The following LCT variants were observed in gnomAD, a reference collection of about 807,000 sequenced individuals.
LCT encodes the protein lactase/phlorizin hydrolase.
A neutral mutation model predicts 173.0 loss-of-function variants in LCT; 90 were observed. The ratio of observed to expected loss-of-function variants is 0.52; its 90% CI spans 0.44 to 0.62. LCT has a LOEUF of 0.62. Among genes scored for constraint, LCT ranks in the 20% least tolerant of loss-of-function variants. The pLI, the probability that LCT is intolerant of heterozygous loss-of-function variation, is 0.00. For missense variants in LCT, 1,864 were observed against 2,431.4 expected, an observed-to-expected ratio of 0.77 and a Z score of 4.91; for synonymous variants, 853 against 957.6, an observed-to-expected ratio of 0.89 and a Z score of 2.02.
chr2:135,825,630 G>A (rs1260789088), intron 3 of LCT, among the ~76,000 whole-genome samples: 1 of 152,182 alleles, frequency 6.6e-6, no homozygotes, highest in East Asian at 1.9e-4. Context: ...CTGCAGAACC[G>A]AGAACCCTGG....
rs2077658361 is a variant in LCT at position 135,805,006 on chromosome 2, A to G, written c.4225T>C (p.Phe1409Leu). 6.2e-7 allele frequency: 1 copy of G among 1,614,150 alleles called. No homozygotes were observed. The highest frequency in any genetic ancestry group is 1.3e-5 in the African/African-American group (1 of 75,040). The change falls in exon 10 of 17, where the codon TTT (phenylalanine) becomes CTT (leucine). Residue 1409 changes from phenylalanine to leucine, a missense_variant. Physicochemically the swap from Phe to Leu is conservative, Grantham distance 22 (BLOSUM62 0). Coordinates refer to ENST00000264162, the MANE Select transcript of LCT (RefSeq NM_002299.4). Reference sequence around the variant, plus strand: ...TCAACCCTCAGTGGTGTGTGAGAAAACGTGTCCCAAATGCTGAGTCCTTTG... The same window carrying G: ...TCAACCCTCAGTGGTGTGTGAGAAAGCGTGTCCCAAATGCTGAGTCCTTTG... The part of the protein sequence containing the change: ...DGKGLSIWDT[F>L]SHTPLRVEND...
intron 4 of LCT, chr2:135,822,386 C>T (rs934478941): frequency 4.8e-6 from 2 of 412,482 alleles, no homozygotes; most frequent in Non-Finnish European, 9.0e-6. Context: ...TGCAGTAGGT[C>T]TCAAGTAGGG....
Position 135,809,797 on chromosome 2 carries a change from C to CT in LCT, c.2549dup (p.Ala852GlyfsTer8). 1 of 1,614,124 alleles carries CT rather than the reference C, an allele frequency of 6.2e-7. No homozygotes were observed. Among genetic ancestry groups the CT allele is most frequent in the Non-Finnish European group, 8.5e-7 (1 of 1,180,012 alleles). ...TAGGTGGTAGCAGTCTTTTTGCCCC[C>CT]TTGGTGAGGAAACCGTTCTTTTCTA... On this transcript the variant is annotated frameshift_variant, in exon 8 of 17. Coordinates refer to ENST00000264162, the MANE Select transcript of LCT (RefSeq NM_002299.4). LOFTEE classifies it high-confidence loss of function. This position sits in a 1 kb window ranked among gnomAD's most constrained non-coding sequence, Gnocchi z 5.5.
chr2:135,835,119 C>T (rs950205726), intron 1 of LCT, among the ~76,000 whole-genome samples: 1 of 151,536 alleles, frequency 6.6e-6, no homozygotes. Context: ...AATGTCATTG[C>T]AACATAACTT....
intron 13 of LCT, among the ~76,000 whole-genome samples, chr2:135,797,570 A>G (rs2077592552): frequency 6.6e-6 from 1 of 152,224 alleles, no homozygotes; most frequent in Admixed American, 6.5e-5. Flanking sequence ...AGATACCAAC[A>G]GAAGATGGGT....
intron 2 of LCT, among the ~76,000 whole-genome samples, chr2:135,829,946 G>A (rs1231234802): frequency 6.6e-6 from 1 of 152,168 alleles, no homozygotes; most frequent in African/African-American, 2.4e-5. Context: ...CACACAGAAA[G>A]CACGCAGTGT....
Position 135,789,741 on chromosome 2 carries a change from A to G in LCT, c.5393T>C (p.Phe1798Ser), listed in dbSNP as rs201143582. The G allele has an allele frequency of 6.2e-6, 10 of 1,614,128 alleles. No individual in the cohort carries two copies. Among genetic ancestry groups the G allele is most frequent in the African/African-American group, 2.7e-5 (2 of 74,938 alleles). ...CTCTGAAAAGCCTGTGGCCCACTCA[A>G]AATTGTCCATCGCACTCCAAACTGT... is the stretch of plus-strand genomic sequence containing the variant. ...GYTVWSAMDN[F>S]EWATGFSERF... Residue 1798 changes from phenylalanine (F) to serine (S), a missense_variant, in exon 16 of 17, where the codon TTT (phenylalanine) becomes TCT (serine). Physicochemically the swap from Phe to Ser is radical, Grantham distance 155. Around this residue, in one of 4 missense-constraint regions of LCT, gnomAD observed 514 missense variants for 750.1 expected, o/e 0.69. Transcript: ENST00000264162.
At chr2:135,825,492 G>A (rs1002416394) in intron 3 of LCT, among the ~76,000 whole-genome samples, 1 of 152,216 alleles carries the variant, frequency 6.6e-6, no homozygotes, top group Non-Finnish European at 1.5e-5. Context: ...TGAGGCAGCC[G>A]GTGATGTCCC....
chr2:135,814,549 G>A (rs189792549), intron 6 of LCT, among the ~76,000 whole-genome samples: 7 of 149,070 alleles, frequency 4.7e-5, no homozygotes, highest in African/African-American at 7.4e-5. Flanking sequence ...ATGGAGTCTC[G>A]CTCTGTCACC....
chr2:135,807,353 C>A lies in LCT; in HGVS notation c.3948G>T (p.Trp1316Cys). The stretch of plus-strand genomic sequence containing the variant: ...GCCACTCAAAGTTGTCCATCAGAGA[C>A]CAGGCGACATACCCTCGAAGGTCTA... ...DGIDLRGYVA[W>C]SLMDNFEWLN... Residue 1316 changes from tryptophan to cysteine, a missense_variant, in exon 9 of 17, where the codon TGG (tryptophan) becomes TGT (cysteine). Transcript: ENST00000264162. The A allele has an allele frequency of 6.2e-7, 1 of 1,614,116 alleles. No homozygotes were observed. The highest frequency in any genetic ancestry group is 2.2e-5 in the East Asian group (1 of 44,876).
Position 135,828,427 on chromosome 2 carries a change from C to T in LCT, c.804+1166G>A, listed in dbSNP as rs551354606. On this transcript the variant is annotated intron_variant, in intron 3 of 16. Coordinates refer to ENST00000264162, the MANE Select transcript of LCT (RefSeq NM_002299.4). ...GTGAGTGTAGGGGGCTGCTCTGCCT[C>T]CCTCATGGGAGGCACAGGCTGAAAG... Among the ~76,000 whole-genome samples the T allele has an allele frequency of 6.6e-5, 10 of 152,216 alleles. No individual in the cohort carries two copies. In the East Asian group the frequency reaches 1.9e-3, roughly 29 times the overall value.
chr2:135,804,206 C>T (rs1020260796), intron 10 of LCT, 78 bp from the exon 11 acceptor site: 30 of 1,110,814 alleles, frequency 2.7e-5, no homozygotes, highest in South Asian at 5.0e-5. Flanking sequence ...CCAGCATCAA[C>T]GTCTGCTGCA....
chr2:135,833,735 C>T (rs75298652), intron 1 of LCT, among the ~76,000 whole-genome samples: 3 of 151,842 alleles, frequency 2.0e-5, no homozygotes, highest in East Asian at 2.0e-4. Context: ...CGTGAGCCAC[C>T]GCGCCCGGCC....
intron 13 of LCT, among the ~76,000 whole-genome samples, chr2:135,795,031 C>CTA (rs2077570433): frequency 1.3e-5 from 1 of 79,248 alleles, no homozygotes; most frequent in African/African-American, 5.0e-5. Context: ...ACACACGCAC[C>CTA]CACGCGCGCG....
intron 8 of LCT, 51 bp downstream of exon 8, chr2:135,808,392 A>G: frequency 7.1e-7 from 1 of 1,408,530 alleles, no homozygotes; most frequent in Non-Finnish European, 1.0e-6. Context: ...CAGGCATATG[A>G]CCCAGGGAAT....
chr2:135,820,941 C>A (rs954394268), intron 5 of LCT, among the ~76,000 whole-genome samples: 1 of 151,376 alleles, frequency 6.6e-6, no homozygotes, highest in Non-Finnish European at 1.5e-5. Context: ...AGTGCAATGG[C>A]GCGATCTCAG....
At chr2:135,803,839 G>T in intron 11 of LCT, 91 bp downstream of exon 11, 1 of 1,209,650 alleles carries the variant, frequency 8.3e-7, no homozygotes, top group Non-Finnish European at 1.2e-6. Flanking sequence ...GGCTTTCTTG[G>T]TTGCCTCGTC....
At chr2:135,804,654 C>A in intron 10 of LCT, 113 bp downstream of exon 10, 1 of 1,083,036 alleles carries the variant, frequency 9.2e-7, no homozygotes, top group Non-Finnish European at 1.4e-6. Context: ...ACAACAATAA[C>A]AACAAAAGCT....
At chr2:135,796,254 A>C (rs777218294) in intron 13 of LCT, among the ~76,000 whole-genome samples, 1 of 152,096 alleles carries the variant, frequency 6.6e-6, no homozygotes, top group African/African-American at 2.4e-5. Flanking sequence ...TTTCATCTTG[A>C]CCTTTCTGCT....
Sources: gnomAD v4.1 joint callset for allele counts (sites outside exome capture counted in the v4.1 genomes callset) on GRCh38, gnomAD v4.1.1 for gene constraint, gnomAD v4.1.1 regional missense constraint, Gnocchi (gnomAD v3.1) non-coding constraint, MANE v1.5 for transcripts, NCBI Gene and HGNC (gene_info 2026-07-23, HGNC 2026-07-21) for gene names.